The following FRY variants were observed in gnomAD, a reference collection of about 807,000 sequenced individuals.
FRY encodes the protein FRY microtubule binding protein, also known as protein furry homolog.
Under a neutral mutation model 348.4 loss-of-function variants are expected in FRY, and 128 were observed. That is an observed-to-expected ratio of 0.37 (90% confidence interval 0.32 to 0.43). The LOEUF is 0.43. Ranked by LOEUF, FRY falls within the 20% of genes least tolerant of loss-of-function variation. The pLI, the probability that FRY is intolerant of heterozygous loss-of-function variation, is 1.00. For missense variants in FRY, 2,736 were observed against 3,695.2 expected (o/e 0.74, Z 6.73); for synonymous variants, 1,370 against 1,374.7 (o/e 1.00, Z 0.08).
At position 32,132,434 on chromosome 13, in the gene FRY, A is replaced by G. The variant is rs980871538; in HGVS notation, c.885+594A>G. 7.9e-5 allele frequency among the ~76,000 whole-genome samples: 12 copies of G among 152,216 alleles called. No individual in the cohort carries two copies. In the Middle Eastern group the frequency reaches 0.01, roughly 129 times the overall value. The stretch of plus-strand genomic sequence containing the variant: ...AATTAAATTTGGTGATGACCTTACT[A>G]GAGGGTTTAGATGTATGGATTATGA... On this transcript the variant is annotated intron_variant, in intron 8 of 60. Coordinates refer to ENST00000542859, the MANE Select transcript of FRY (RefSeq NM_023037.3).
At chr13:32,092,322 C>G (rs991427796) in intron 2 of FRY, among the ~76,000 whole-genome samples, 1 of 152,198 alleles carries the variant, frequency 6.6e-6, no homozygotes. Flanking sequence ...CTTGATATAT[C>G]AGACTCCCTC....
At chr13:32,187,736 T>G (rs1396344759) in intron 28 of FRY, 80 bp downstream of exon 28, 6 of 790,020 alleles carry the variant, frequency 7.6e-6, no homozygotes, top group African/African-American at 6.7e-5. Flanking sequence ...GTGTAAGCAT[T>G]GTTCACAATA....
intron 1 of FRY, among the ~76,000 whole-genome samples, chr13:32,045,298 A>G (rs1002321475): frequency 1.3e-5 from 2 of 152,150 alleles, no homozygotes; most frequent in Non-Finnish European, 1.5e-5. Context: ...CTCGAATGAC[A>G]TCTCCCACAT....
At chr13:32,192,153 G>A (rs956775405) in intron 28 of FRY, among the ~76,000 whole-genome samples, 3 of 152,086 alleles carry the variant, frequency 2.0e-5, no homozygotes, top group African/African-American at 7.2e-5. Flanking sequence ...GTGTTAAAAT[G>A]ACTCATGATA....
chr13:32,232,365 C>CA (rs1366942393), intron 41 of FRY, among the ~76,000 whole-genome samples: 5 of 152,216 alleles, frequency 3.3e-5, no homozygotes, highest in Non-Finnish European at 7.3e-5. Flanking sequence ...TTTCCTTGTA[C>CA]ATCCCTGCTT....
intron 1 of FRY, among the ~76,000 whole-genome samples, chr13:32,040,395 A>G (rs1192722226): frequency 6.6e-6 from 1 of 152,202 alleles, no homozygotes; most frequent in Non-Finnish European, 1.5e-5. Flanking sequence ...TCACTGATTA[A>G]TGTGAAGGGT....
In FRY at chr13:32,144,070, A is replaced by G. The variant is rs540281457; in HGVS notation, c.1180-3212A>G. Among the ~76,000 whole-genome samples the G allele has an allele frequency of 3.3e-5, 5 of 152,284 alleles. No individual in the cohort carries two copies. In the East Asian group the frequency reaches 9.6e-4, roughly 29 times the overall value. On this transcript the variant is annotated intron_variant, in intron 11 of 60. Coordinates refer to ENST00000542859, the MANE Select transcript of FRY (RefSeq NM_023037.3). Reference sequence around the variant, plus strand: ...CATAGGCATTTGCTGATTTGGACCAATTGGAAGACGAGTAGTCAGAATTTC... The same window carrying G: ...CATAGGCATTTGCTGATTTGGACCAGTTGGAAGACGAGTAGTCAGAATTTC...
Position 32,294,407 on chromosome 13 carries a change from C to A in FRY, c.8620C>A (p.His2874Asn). Residue 2874 changes from histidine (H) to asparagine (N), a missense_variant, in exon 60 of 61, where the codon CAC becomes AAC. Physicochemically the swap from His to Asn is moderately conservative, Grantham distance 68 (BLOSUM62 1). Around this residue, in one of 9 missense-constraint regions of FRY, gnomAD observed 157 missense variants for 215.2 expected, o/e 0.73. Transcript: ENST00000542859. ...CAGGGAACTGAGTGACCTAAAGAAA[C>A]ACCTGAAGGAAGCCAGTGCAGTCAT... ...MSRELSDLKK[H>N]LKEASAVIAA... 1 of 1,613,842 alleles carries A rather than the reference C, an allele frequency of 6.2e-7. No homozygotes were observed.
At chr13:32,074,617 A>T (rs1374965648) in intron 1 of FRY, among the ~76,000 whole-genome samples, 1 of 152,244 alleles carries the variant, frequency 6.6e-6, no homozygotes, top group Non-Finnish European at 1.5e-5. Context: ...CTTGAAAAAG[A>T]CTAAGATGGT....
chr13:32,075,989 A>G (rs1401745386), intron 1 of FRY, among the ~76,000 whole-genome samples: 1 of 152,226 alleles, frequency 6.6e-6, no homozygotes, highest in Non-Finnish European at 1.5e-5. Context: ...ATTCACAAAG[A>G]TGTCTGGCTT....
chr13:32,221,629 C>T (rs916745307), intron 36 of FRY, among the ~76,000 whole-genome samples: 1 of 152,218 alleles, frequency 6.6e-6, no homozygotes, highest in Non-Finnish European at 1.5e-5. Flanking sequence ...TCTGCTGCGT[C>T]AGCCACCCTA....
chr13:32,217,792 A>T (rs535546895), intron 35 of FRY, among the ~76,000 whole-genome samples: 1 of 152,340 alleles, frequency 6.6e-6, no homozygotes, highest in East Asian at 1.9e-4. Flanking sequence ...ATTAAATAAG[A>T]TGATGTCTAT....
At chr13:32,267,023 A>T in intron 54 of FRY, 147 bp from the exon 55 acceptor site, 1 of 751,788 alleles carries the variant, frequency 1.3e-6, no homozygotes, top group East Asian at 2.4e-5. Flanking sequence ...CTGCTGAATG[A>T]AAGCCAAGTC....
intron 35 of FRY, among the ~76,000 whole-genome samples, chr13:32,214,240 A>G (rs1192282504): frequency 6.6e-6 from 1 of 151,924 alleles, no homozygotes; most frequent in African/African-American, 2.4e-5. Flanking sequence ...CTTCCTTGTA[A>G]TCCCTGTCAT....
Position 32,169,127 on chromosome 13 carries a change from A to G in FRY, c.1893-1885A>G, listed in dbSNP as rs577026448. On this transcript the variant is annotated intron_variant, in intron 17 of 60. Coordinates refer to ENST00000542859, the MANE Select transcript of FRY (RefSeq NM_023037.3). Reference sequence around the variant, plus strand: ...ACACCTCCAGGCTACTGAGTTCTAAATATCTTTGGCCTCTGTCTGCCCTTG... The same window carrying G: ...ACACCTCCAGGCTACTGAGTTCTAAGTATCTTTGGCCTCTGTCTGCCCTTG... Among the ~76,000 whole-genome samples, 9 of 152,248 alleles carry G rather than the reference A, an allele frequency of 5.9e-5. No homozygotes were observed. The East Asian group carries it at 1.7e-3, about 29-fold the overall frequency.
chr13:32,265,891 C>G (rs1378695384), intron 54 of FRY, among the ~76,000 whole-genome samples: 1 of 152,126 alleles, frequency 6.6e-6, no homozygotes, highest in Non-Finnish European at 1.5e-5. Flanking sequence ...ATGGTCCAGA[C>G]CTTGTAAGCT....
At chr13:32,271,512 T>C (rs537065692) in intron 55 of FRY, among the ~76,000 whole-genome samples, 49 of 152,318 alleles carry the variant, frequency 3.2e-4, no homozygotes, top group Admixed American at 9.8e-4. Flanking sequence ...GACTGGATCC[T>C]CTGGTGACAG....
Position 32,171,008 on chromosome 13 carries a change from A to T in FRY, c.1893-4A>T. 1 of 1,600,136 alleles carries T rather than the reference A, an allele frequency of 6.2e-7. No individual in the cohort carries two copies. The highest frequency in any genetic ancestry group is 8.6e-7 in the Non-Finnish European group (1 of 1,167,304). On this transcript the variant is annotated splice_region_variant and splice_polypyrimidine_tract_variant and intron_variant, in intron 17 of 60. Coordinates refer to ENST00000542859, the MANE Select transcript of FRY (RefSeq NM_023037.3). ...GATTTTATTTTCCTTTATTCGTTTC[A>T]CAGGCTCTCTATTCATATGGATGAT... is the stretch of plus-strand genomic sequence containing the variant.
At chr13:32,208,714 G>A in intron 31 of FRY, 139 bp from the exon 32 acceptor site, 1 of 973,994 alleles carries the variant, frequency 1.0e-6, no homozygotes, top group Non-Finnish European at 1.6e-6. Context: ...TTATCATTCT[G>A]TGGCCTTGGG....
Sources: gnomAD v4.1 joint callset for allele counts (sites outside exome capture counted in the v4.1 genomes callset) on GRCh38, gnomAD v4.1.1 for gene constraint, gnomAD v4.1.1 regional missense constraint, MANE v1.5 for transcripts, NCBI Gene and HGNC (gene_info 2026-07-23, HGNC 2026-07-21) for gene names.